The following CDH20 variants were observed in gnomAD, a reference collection of about 807,000 sequenced individuals.
CDH20 encodes the protein cadherin-20.
A neutral mutation model predicts 74.2 loss-of-function variants in CDH20; 29 were observed. The observed-to-expected ratio is 0.39, with a 90% CI of 0.29 to 0.53. CDH20 has a LOEUF of 0.53. Ranked by LOEUF, CDH20 falls within the 20% of genes least tolerant of loss-of-function variation. The pLI, the probability that CDH20 is intolerant of heterozygous loss-of-function variation, is 0.69. For synonymous variants in CDH20, 469 were observed against 405.4 expected (o/e 1.16, Z -1.88); for missense variants, 988 against 1,048.3 (o/e 0.94, Z 0.79).
At chr18:61,334,271 G>A (rs536218725) in intron 1 of CDH20, 1 of 152,302 alleles carries the variant, frequency 6.6e-6, no homozygotes, top group East Asian at 2.0e-4. Context: ...CCCTCGCACA[G>A]AGATGTGCGC....
chr18:61,340,060 T>C (rs1909896386), intron 1 of CDH20, among the ~76,000 whole-genome samples: 1 of 152,074 alleles, frequency 6.6e-6, no homozygotes, highest in African/African-American at 2.4e-5. Flanking sequence ...CACAACTCTG[T>C]GTTCAACATC....
intron 9 of CDH20, among the ~76,000 whole-genome samples, chr18:61,542,887 G>GT (rs1410584962): frequency 1.3e-5 from 2 of 152,140 alleles, no homozygotes; most frequent in Admixed American, 1.3e-4. Context: ...AACAAAGAGA[G>GT]TAAGAACTCA....
At chr18:61,480,147 A>T (rs565954300) in intron 1 of CDH20, among the ~76,000 whole-genome samples, 1 of 152,272 alleles carries the variant, frequency 6.6e-6, no homozygotes, top group South Asian at 2.1e-4. Flanking sequence ...CCTTGAAAAG[A>T]ATTAGAGGAA....
rs376158991 is a variant in CDH20, at chr18:61,499,495, C to T, written c.541+15C>T. 10 of 1,577,982 alleles carry T rather than the reference C, an allele frequency of 6.3e-6. No homozygotes were observed. The highest frequency in any genetic ancestry group is 5.4e-5 in the African/African-American group (4 of 73,554). On this transcript the variant is annotated intron_variant, in intron 3 of 11. Coordinates refer to ENST00000262717, the MANE Select transcript of CDH20 (RefSeq NM_031891.4). ...GTCCCCTGTGGGTAAGGTGGTGACTCGCTGATTTTCACAAATAGCACCTCC... is the reference window on the plus strand; with the variant it reads ...GTCCCCTGTGGGTAAGGTGGTGACTTGCTGATTTTCACAAATAGCACCTCC...
chr18:61,528,446 G>GACACACAT (rs370479851), intron 7 of CDH20, among the ~76,000 whole-genome samples: 7,328 of 97,612 alleles, frequency 0.075, 318 homozygotes, highest in African/African-American at 0.13. Context: ...AATTGGTTGA[G>GACACACAT]ACACACACAC....
chr18:61,414,929 A>G (rs1912636229), intron 1 of CDH20, among the ~76,000 whole-genome samples: 1 of 152,126 alleles, frequency 6.6e-6, no homozygotes, highest in Non-Finnish European at 1.5e-5. Flanking sequence ...CCATCTCCAG[A>G]ACTTCGTATT....
rs1425473223 is a variant in CDH20, at chr18:61,477,766, AC to A, written c.-152-12633del. Among the ~76,000 whole-genome samples, 12 of 152,288 alleles carry A rather than the reference AC, an allele frequency of 7.9e-5. No homozygotes were observed. In the East Asian group the frequency reaches 2.3e-3, roughly 29 times the overall value. On this transcript the variant is annotated intron_variant, in intron 1 of 11. Transcript: ENST00000262717. ...ATTGTCTTCCAGAAAGCTTTTATCA[AC>A]CCACACTCCCATCCATATGGTATAT...
intron 1 of CDH20, among the ~76,000 whole-genome samples, chr18:61,473,121 A>C (rs1338799089): frequency 1.3e-5 from 2 of 152,262 alleles, no homozygotes; most frequent in Non-Finnish European, 2.9e-5. Context: ...TGAACAGTAT[A>C]ATCAGATTGA....
intron 1 of CDH20, among the ~76,000 whole-genome samples, chr18:61,449,771 T>C (rs1909319521): frequency 6.6e-6 from 1 of 151,720 alleles, no homozygotes; most frequent in Admixed American, 6.6e-5. Flanking sequence ...AAAATATATA[T>C]ATATATACAC....
chr18:61,499,865 C>A (rs896248075), intron 3 of CDH20, among the ~76,000 whole-genome samples: 1 of 152,014 alleles, frequency 6.6e-6, no homozygotes, highest in Admixed American at 6.6e-5. Flanking sequence ...GAGGCTGAGG[C>A]AGGTGGATCA....
intron 1 of CDH20, among the ~76,000 whole-genome samples, chr18:61,395,172 TGAGA>T (rs1911922980): frequency 6.6e-6 from 1 of 152,096 alleles, no homozygotes; most frequent in Non-Finnish European, 1.5e-5. Flanking sequence ...TCACAGATAC[TGAGA>T]GAAAAGTGGT....
chr18:61,533,645 A>G (rs1321640310), intron 7 of CDH20, among the ~76,000 whole-genome samples: 1 of 152,016 alleles, frequency 6.6e-6, no homozygotes, highest in Non-Finnish European at 1.5e-5. Flanking sequence ...CCATTCATCT[A>G]TTTTTGCTTT....
chr18:61,515,843 G>T (rs548027106), intron 6 of CDH20, among the ~76,000 whole-genome samples: 20 of 151,170 alleles, frequency 1.3e-4, no homozygotes, highest in African/African-American at 4.4e-4. Flanking sequence ...ATGAGTTAGT[G>T]GGTGCAGCGC....
chr18:61,471,783 G>A (rs182857564), intron 1 of CDH20, among the ~76,000 whole-genome samples: 64 of 152,148 alleles, frequency 4.2e-4, no homozygotes, highest in African/African-American at 1.5e-3. Flanking sequence ...CCTGGCTGTC[G>A]GTAATGACAG....
intron 1 of CDH20, among the ~76,000 whole-genome samples, chr18:61,388,191 T>C (rs555783792): frequency 1.3e-5 from 2 of 152,288 alleles, no homozygotes; most frequent in African/African-American, 4.8e-5. Context: ...GTTTATGAAA[T>C]GAGCCTTGAT....
intron 1 of CDH20, among the ~76,000 whole-genome samples, chr18:61,424,954 T>A (rs557096389): frequency 5.9e-5 from 9 of 152,242 alleles, no homozygotes; most frequent in African/African-American, 2.2e-4. Flanking sequence ...TTCTTGAGCT[T>A]CTAAAATGTC....
At chr18:61,493,358 C>T (rs1166547380) in intron 2 of CDH20, among the ~76,000 whole-genome samples, 1 of 152,192 alleles carries the variant, frequency 6.6e-6, no homozygotes, top group African/African-American at 2.4e-5. Context: ...ATCCCTCCTC[C>T]AGGATGCTCA....
chr18:61,392,546 T>C (rs947159197), intron 1 of CDH20, among the ~76,000 whole-genome samples: 2 of 152,152 alleles, frequency 1.3e-5, no homozygotes, highest in African/African-American at 2.4e-5. Flanking sequence ...TGGAATTATG[T>C]ATTTCTAGAT....
intron 6 of CDH20, among the ~76,000 whole-genome samples, chr18:61,527,181 A>G: frequency 6.6e-6 from 1 of 152,228 alleles, no homozygotes; most frequent in East Asian, 1.9e-4. Context: ...CTCCATCTCA[A>G]AAAATAATAG....
Sources: gnomAD v4.1 joint callset for allele counts (sites outside exome capture counted in the v4.1 genomes callset) on GRCh38, gnomAD v4.1.1 for gene constraint, MANE v1.5 for transcripts, NCBI Gene and HGNC (gene_info 2026-07-23, HGNC 2026-07-21) for gene names.